The following ACER2 variants were observed in gnomAD, a reference collection of about 807,000 sequenced individuals.
ACER2 encodes the protein alkaline ceramidase 2.
A neutral mutation model predicts 34.7 loss-of-function variants in ACER2; 26 were observed. That is an observed-to-expected ratio of 0.75 (90% CI 0.55 to 1.04). The LOEUF is 1.04. Ranked by LOEUF, ACER2 falls within the 50% of genes least tolerant of loss-of-function variation. The probability of loss-of-function intolerance (pLI) is 0.00; values close to 1 mark genes in which losing one functional copy is unlikely to be tolerated. For synonymous variants in ACER2, 138 were observed against 132.1 expected (o/e 1.04, Z -0.31); for missense variants, 352 against 340.8 (o/e 1.03, Z -0.26).
At chr9:19,412,868 C>G (rs1420879739) in intron 1 of ACER2, among the ~76,000 whole-genome samples, 2 of 152,030 alleles carry the variant, frequency 1.3e-5, no homozygotes, top group African/African-American at 2.4e-5. Flanking sequence ...ATTTATTTAT[C>G]TAATCAATCC....
intron 4 of ACER2, among the ~76,000 whole-genome samples, chr9:19,444,349 C>G (rs866195498): frequency 3.3e-5 from 5 of 151,692 alleles, no homozygotes; most frequent in African/African-American, 9.7e-5. Flanking sequence ...GTAGCTGGGA[C>G]TACAGGCGCC....
At chr9:19,449,245 A>G (rs1213914707) in intron 5 of ACER2, among the ~76,000 whole-genome samples, 1 of 152,234 alleles carries the variant, frequency 6.6e-6, no homozygotes, top group African/African-American at 2.4e-5. Context: ...CATTTTCACA[A>G]GTACAGAGAA....
chr9:19,414,664 A>G (rs1157344287), intron 1 of ACER2, among the ~76,000 whole-genome samples: 1 of 152,098 alleles, frequency 6.6e-6, no homozygotes, highest in African/African-American at 2.4e-5. Flanking sequence ...TTAGCTGGAC[A>G]TGATGGCACA....
chr9:19,431,395 C>G (rs1830748923), intron 3 of ACER2, among the ~76,000 whole-genome samples: 1 of 152,202 alleles, frequency 6.6e-6, no homozygotes. Flanking sequence ...CTCTGTTACC[C>G]TCTCTGACCT....
rs371956366 is a variant in ACER2, at chr9:19,435,093, C to T, written c.503+9C>T. 8.1e-6 allele frequency: 13 copies of T among 1,613,938 alleles called. No homozygotes were observed. The highest frequency in any genetic ancestry group is 6.7e-5 in the African/African-American group (5 of 75,030). Reference sequence around the variant, plus strand: ...ATCGCAGAGCTAAAGAGGTAGGTGCCATCATTCCTGCCTACCCTTAGCTGT... The same window carrying T: ...ATCGCAGAGCTAAAGAGGTAGGTGCTATCATTCCTGCCTACCCTTAGCTGT... On this transcript the variant is annotated intron_variant, in intron 4 of 5. Coordinates refer to ENST00000340967, the MANE Select transcript of ACER2 (RefSeq NM_001010887.3).
intron 3 of ACER2, among the ~76,000 whole-genome samples, chr9:19,432,353 T>G (rs1043081068): frequency 6.6e-6 from 1 of 152,170 alleles, no homozygotes; most frequent in African/African-American, 2.4e-5. Flanking sequence ...TTGTGAATGG[T>G]CTCTGTTTTA....
chr9:19,440,581 C>A (rs1424840142), intron 4 of ACER2, among the ~76,000 whole-genome samples: 5 of 152,286 alleles, frequency 3.3e-5, no homozygotes, highest in Non-Finnish European at 7.4e-5. Flanking sequence ...TCTGCTGGCA[C>A]CTTGATCTCA....
intron 1 of ACER2, among the ~76,000 whole-genome samples, chr9:19,414,802 C>T (rs1214646670): frequency 2.6e-5 from 4 of 150,984 alleles, no homozygotes; most frequent in Non-Finnish European, 4.4e-5. Flanking sequence ...GCCAAGATCG[C>T]GCCACTGCAC....
chr9:19,433,505 A>C (rs1830828983), intron 3 of ACER2, among the ~76,000 whole-genome samples: 1 of 152,026 alleles, frequency 6.6e-6, no homozygotes, highest in Non-Finnish European at 1.5e-5. Context: ...CCAAGGCAGA[A>C]GAATTTTTCT....
At chr9:19,444,154 T>TAAAAAAAAAAAAAAA in intron 4 of ACER2, among the ~76,000 whole-genome samples, 1 of 95,744 alleles carries the variant, frequency 1.0e-5, no homozygotes, top group Non-Finnish European at 2.1e-5. Context: ...GCTGATGAGC[T>TAAAAAAAAAAAAAAA]AAAAAAAAAA....
intron 1 of ACER2, among the ~76,000 whole-genome samples, chr9:19,420,477 A>G (rs745903519): frequency 1.3e-5 from 2 of 152,176 alleles, no homozygotes; most frequent in African/African-American, 2.4e-5. Flanking sequence ...GAATGTTCCT[A>G]CCGCTTCATA....
At chr9:19,420,843 T>C (rs985953864) in intron 1 of ACER2, among the ~76,000 whole-genome samples, 1 of 152,032 alleles carries the variant, frequency 6.6e-6, no homozygotes, top group African/African-American at 2.4e-5. Flanking sequence ...GTGGGAAGGG[T>C]GAATACCTCC....
intron 3 of ACER2, among the ~76,000 whole-genome samples, chr9:19,429,810 G>T (rs1049670594): frequency 6.6e-6 from 1 of 152,070 alleles, no homozygotes; most frequent in Non-Finnish European, 1.5e-5. Context: ...GGGCCTTAGT[G>T]CTTTAGTTAT....
chr9:19,410,038 T>C (rs577107668), intron 1 of ACER2: 5 of 715,538 alleles, frequency 7.0e-6, no homozygotes, highest in South Asian at 1.3e-4. Context: ...TGGTACAGAA[T>C]GTGAGACTTT....
chr9:19,420,052 C>G (rs1265172443), intron 1 of ACER2, among the ~76,000 whole-genome samples: 1 of 152,176 alleles, frequency 6.6e-6, no homozygotes, highest in African/African-American at 2.4e-5. Flanking sequence ...CTCACTTGCC[C>G]TATGCCTCAA....
Position 19,439,912 on chromosome 9 carries a change from CGTGGAGAT to C in ACER2, c.503+4837_503+4844del, listed in dbSNP as rs369223123. 5.2e-3 allele frequency among the ~76,000 whole-genome samples: 784 copies of C among 152,172 alleles called. 5 individuals are homozygous for C. Among genetic ancestry groups the C allele is most frequent in the African/African-American group, 0.018 (748 of 41,516 alleles). On this transcript the variant is annotated intron_variant, in intron 4 of 5. Transcript: ENST00000340967. Reference sequence around the variant, plus strand: ...AATCCAGGAGGCGGAGGTTGTGGTGCGTGGAGATGTGGAGATCACGCCATTGCACTACA... The same window carrying C: ...AATCCAGGAGGCGGAGGTTGTGGTGCGTGGAGATCACGCCATTGCACTACA...
chr9:19,431,560 G>A (rs1830753525), intron 3 of ACER2, among the ~76,000 whole-genome samples: 1 of 152,322 alleles, frequency 6.6e-6, no homozygotes, highest in South Asian at 2.1e-4. Flanking sequence ...GTTATTGTGG[G>A]TCCCCAAGGG....
At chr9:19,438,455 G>T (rs754113364) in intron 4 of ACER2, among the ~76,000 whole-genome samples, 27 of 152,186 alleles carry the variant, frequency 1.8e-4, no homozygotes, top group Admixed American at 9.2e-4. Flanking sequence ...CTTCTCTGCC[G>T]TGTTTGTGGA....
intron 1 of ACER2, chr9:19,409,762 T>C (rs1830031965): frequency 1.0e-6 from 1 of 985,370 alleles, no homozygotes; most frequent in Non-Finnish European, 1.2e-6. Flanking sequence ...TGTTTTTTTT[T>C]CTTGCCTTTA....
Sources: gnomAD v4.1 joint callset for allele counts (sites outside exome capture counted in the v4.1 genomes callset) on GRCh38, gnomAD v4.1.1 for gene constraint, MANE v1.5 for transcripts, NCBI Gene and HGNC (gene_info 2026-07-23, HGNC 2026-07-21) for gene names.